The following CTNNA3 variants were observed in gnomAD, a reference collection of about 807,000 sequenced individuals.
The protein encoded by CTNNA3 is catenin alpha 3, also known as catenin alpha-3.
In CTNNA3, 76 loss-of-function variants were observed where a neutral mutation model predicts 95.7. The observed-to-expected ratio is 0.79, with a 90% CI of 0.66 to 0.96. The LOEUF (loss-of-function observed/expected upper bound fraction) is 0.96. Ranked by LOEUF, CTNNA3 falls within the 40% of genes least tolerant of loss-of-function variation. The pLI, the probability that CTNNA3 is intolerant of heterozygous loss-of-function variation, is 0.00. For synonymous variants in CTNNA3, 431 were observed against 374.4 expected, an observed-to-expected ratio of 1.15 and a Z score of -1.74; for missense variants, 1,191 against 1,089.8, an observed-to-expected ratio of 1.09 and a Z score of -1.31.
In CTNNA3 at chr10:66,517,953, T is replaced by A. The variant is rs76696311; in HGVS notation, c.1531+2664A>T. On this transcript the variant is annotated intron_variant, in intron 11 of 17. Transcript: ENST00000433211. ...ACCATCAGTCTACTTTTTATTATCCTCCTGTACGGACAATTCTAAATAATG... is the reference window on the plus strand; with the variant it reads ...ACCATCAGTCTACTTTTTATTATCCACCTGTACGGACAATTCTAAATAATG... Among the ~76,000 whole-genome samples the A allele has an allele frequency of 8.7e-3, 1,324 of 152,258 alleles. 21 individuals are homozygous for A. The highest frequency in any genetic ancestry group is 0.03 in the African/African-American group (1,259 of 41,548).
rs192994197 is a variant in CTNNA3, at chr10:66,483,891, T to C, written c.1531+36726A>G. The stretch of plus-strand genomic sequence containing the variant: ...AAGAAGAGAAAAAAACTTAAAAAAA[T>C]AAGATCTATCTGAAAAAGTCACTAT... On this transcript the variant is annotated intron_variant, in intron 11 of 17. Transcript: ENST00000433211. 3.9e-5 allele frequency among the ~76,000 whole-genome samples: 6 copies of C among 152,126 alleles called. No homozygotes were observed. The East Asian group carries it at 1.2e-3, about 29-fold the overall frequency.
chr10:67,338,065 T>A (rs1243671405), intron 5 of CTNNA3, among the ~76,000 whole-genome samples: 3 of 152,186 alleles, frequency 2.0e-5, no homozygotes, highest in Non-Finnish European at 4.4e-5. Flanking sequence ...AATTAATTTG[T>A]TTCATCTTCA....
At chr10:67,100,812 G>A (rs565682732) in intron 7 of CTNNA3, among the ~76,000 whole-genome samples, 1 of 151,688 alleles carries the variant, frequency 6.6e-6, no homozygotes, top group South Asian at 2.1e-4. Flanking sequence ...AAGAAATTGA[G>A]CTCTTACCCC....
intron 13 of CTNNA3, among the ~76,000 whole-genome samples, chr10:66,186,000 AAT>A (rs1391345402): frequency 6.6e-6 from 1 of 151,922 alleles, no homozygotes; most frequent in Admixed American, 6.6e-5. Context: ...CACATATAAA[AAT>A]ATATATGTTC....
rs1443319480 is a variant in CTNNA3, at chr10:66,756,621, A to G, written c.1281+9643T>C. Among the ~76,000 whole-genome samples, 2 of 152,004 alleles carry G rather than the reference A, an allele frequency of 1.3e-5. 1 individual carries two copies. Among genetic ancestry groups the G allele is most frequent in the Admixed American group, 1.3e-4 (2 of 15,254 alleles). On this transcript the variant is annotated intron_variant, in intron 9 of 17. Transcript: ENST00000433211. The stretch of plus-strand genomic sequence containing the variant: ...CCTCTCTCCTGACCCCTACCCTAAC[A>G]TTGCTTGCAAGCAGCAGAGGAGATA...
At chr10:67,351,313 C>T (rs969758232) in intron 5 of CTNNA3, among the ~76,000 whole-genome samples, 1 of 151,774 alleles carries the variant, frequency 6.6e-6, no homozygotes, top group Admixed American at 6.6e-5. Context: ...TACCTATTTT[C>T]CAAAACTCAT....
chr10:66,643,582 T>G (rs900219277), intron 9 of CTNNA3, among the ~76,000 whole-genome samples: 4 of 152,200 alleles, frequency 2.6e-5, no homozygotes, highest in African/African-American at 9.7e-5. Context: ...ATCAATCATC[T>G]TCTTTTATAA....
chr10:66,216,209 C>T (rs2088522324), intron 13 of CTNNA3, among the ~76,000 whole-genome samples: 1 of 152,232 alleles, frequency 6.6e-6, no homozygotes, highest in African/African-American at 2.4e-5. Context: ...TTGCTTTTCC[C>T]TTGGAAATCT....
intron 5 of CTNNA3, among the ~76,000 whole-genome samples, chr10:67,257,305 C>G (rs928594989): frequency 6.6e-6 from 1 of 152,170 alleles, no homozygotes; most frequent in Non-Finnish European, 1.5e-5. Flanking sequence ...AAAAAGTAAT[C>G]TGGAGAATAA....
chr10:67,181,122 T>C (rs943954606), intron 6 of CTNNA3, among the ~76,000 whole-genome samples: 3 of 152,176 alleles, frequency 2.0e-5, no homozygotes, highest in Non-Finnish European at 4.4e-5. Flanking sequence ...AGATTTAATA[T>C]TATTTTCATT....
chr10:67,614,391 C>A (rs1843580344), intron 2 of CTNNA3, among the ~76,000 whole-genome samples: 2 of 152,134 alleles, frequency 1.3e-5, no homozygotes, highest in South Asian at 4.2e-4. Flanking sequence ...AATAACTATA[C>A]AACTCACCAT....
At chr10:67,025,879 C>G (rs1293014572) in intron 7 of CTNNA3, among the ~76,000 whole-genome samples, 1 of 144,974 alleles carries the variant, frequency 6.9e-6, no homozygotes, top group Non-Finnish European at 1.5e-5. Flanking sequence ...CAATGATAGA[C>G]TGGATTAAGA....
chr10:67,046,706 A>G (rs1416772755), intron 7 of CTNNA3, among the ~76,000 whole-genome samples: 2 of 152,242 alleles, frequency 1.3e-5, no homozygotes, highest in African/African-American at 4.8e-5. Context: ...AGATAAATGT[A>G]TTGACTCAGC....
intron 11 of CTNNA3, among the ~76,000 whole-genome samples, chr10:66,500,806 C>T (rs1840254267): frequency 6.6e-6 from 1 of 152,148 alleles, no homozygotes; most frequent in Non-Finnish European, 1.5e-5. Flanking sequence ...AACTGAAAGT[C>T]TCTGAAGTTG....
intron 7 of CTNNA3, among the ~76,000 whole-genome samples, chr10:67,117,216 A>G (rs2131984252): frequency 6.6e-6 from 1 of 152,072 alleles, no homozygotes; most frequent in Admixed American, 6.6e-5. Flanking sequence ...AAAATAAGGG[A>G]AATTTAACCA....
intron 7 of CTNNA3, among the ~76,000 whole-genome samples, chr10:66,896,772 T>A (rs980376954): frequency 2.0e-5 from 3 of 152,200 alleles, no homozygotes; most frequent in Non-Finnish European, 4.4e-5. Context: ...ACTTCTTGTA[T>A]GCCTTTCCCT....
intron 5 of CTNNA3, among the ~76,000 whole-genome samples, chr10:67,288,775 C>T (rs1904619): frequency 0.065 from 9,949 of 152,096 alleles, 559 homozygotes; most frequent in African/African-American, 0.14. Context: ...AAAGTTTTTC[C>T]AAAATCCTCT....
chr10:67,081,485 C>G (rs562108249), intron 7 of CTNNA3, among the ~76,000 whole-genome samples: 2 of 152,286 alleles, frequency 1.3e-5, no homozygotes, highest in Admixed American at 6.5e-5. Flanking sequence ...AATATTGTGG[C>G]TCAGAGAGGT....
intron 5 of CTNNA3, among the ~76,000 whole-genome samples, chr10:67,278,945 C>T (rs1211845716): frequency 6.6e-6 from 1 of 152,096 alleles, no homozygotes; most frequent in East Asian, 1.9e-4. Flanking sequence ...GGAATTTGGG[C>T]AAGATAAAAT....
Sources: gnomAD v4.1 joint callset for allele counts (sites outside exome capture counted in the v4.1 genomes callset) on GRCh38, gnomAD v4.1.1 for gene constraint, MANE v1.5 for transcripts, NCBI Gene and HGNC (gene_info 2026-07-23, HGNC 2026-07-21) for gene names.